Variants in STYX observed in about 807,000 individuals in gnomAD.
STYX encodes the protein serine/threonine/tyrosine interacting protein, also known as serine/threonine/tyrosine-interacting protein.
A neutral mutation model predicts 42.7 loss-of-function variants in STYX; 20 were observed. The ratio of observed to expected loss-of-function variants is 0.47; its 90% CI spans 0.33 to 0.68. The LOEUF is 0.68. Among genes scored for constraint, STYX ranks in the 30% least tolerant of loss-of-function variants. The probability of loss-of-function intolerance (pLI) is 0.02; values close to 1 mark genes in which losing one functional copy is unlikely to be tolerated. For synonymous variants in STYX, 78 were observed against 81.9 expected, an observed-to-expected ratio of 0.95 and a Z score of 0.26; for missense variants, 226 against 268.5, an observed-to-expected ratio of 0.84 and a Z score of 1.11.
In STYX at chr14:52,730,393, C is replaced by T; in HGVS notation, c.-82C>T. On this transcript the variant is annotated 5_prime_UTR_variant, in exon 1 of 11. Transcript: ENST00000354586. Reference sequence around the variant, plus strand: ...CCCTCCGCTCCGCCGGCCCTCCTTCCTTCCGCCGCCGCAGCCAGCCCGAGG... The same window carrying T: ...CCCTCCGCTCCGCCGGCCCTCCTTCTTTCCGCCGCCGCAGCCAGCCCGAGG... 4 of 1,500,918 alleles carry T rather than the reference C, an allele frequency of 2.7e-6. No homozygotes were observed. The highest frequency in any genetic ancestry group is 1.2e-5 in the South Asian group (1 of 85,088). The allele number at this position is 1,500,918 out of a possible 1,614,324, so 93.0% of individuals were successfully genotyped here. A position where few individuals can be genotyped will look rare whatever the true frequency, so the allele number is the denominator to read the frequency against.
At chr14:52,739,666 G>A (rs923369561) in intron 1 of STYX, among the ~76,000 whole-genome samples, 1 of 125,638 alleles carries the variant, frequency 8.0e-6, no homozygotes, top group African/African-American at 3.0e-5. Flanking sequence ...CGTTGAGATA[G>A]GGTCTGTCTC....
At chr14:52,743,251 A>G (rs1881265971) in intron 1 of STYX, among the ~76,000 whole-genome samples, 1 of 151,554 alleles carries the variant, frequency 6.6e-6, no homozygotes, top group South Asian at 2.1e-4. Flanking sequence ...CTCTCTTTTC[A>G]TTATAGATGT....
Position 52,768,932 on chromosome 14 carries a change from AGGT to A in STYX, c.598_598+2del, listed in dbSNP as rs770814443. On this transcript the variant is annotated splice_donor_variant and coding_sequence_variant, in exon 10 of 11. Coordinates refer to ENST00000354586, the MANE Select transcript of STYX (RefSeq NM_145251.4). LOFTEE classifies it high-confidence loss of function. Reference sequence around the variant, plus strand: ...CATTATCTGTTCATTCTGGTACCACAGGTAAGGATTTTTTTCTTTTTGGAGAAA... The same window carrying A: ...CATTATCTGTTCATTCTGGTACCACAAAGGATTTTTTTCTTTTTGGAGAAA... 6.4e-7 allele frequency: 1 copy of A among 1,563,090 alleles called. No individual in the cohort carries two copies. Among genetic ancestry groups the A allele is most frequent in the East Asian group, 2.3e-5 (1 of 43,190 alleles).
intron 1 of STYX, among the ~76,000 whole-genome samples, chr14:52,738,395 A>C (rs1049186990): frequency 2.6e-5 from 4 of 152,186 alleles, no homozygotes; most frequent in Non-Finnish European, 5.9e-5. Flanking sequence ...TATTACATAT[A>C]ACCTTATGGA....
chr14:52,741,671 A>G (rs1881200541), intron 1 of STYX, among the ~76,000 whole-genome samples: 1 of 152,144 alleles, frequency 6.6e-6, no homozygotes, highest in African/African-American at 2.4e-5. Flanking sequence ...TCTGAGCTCA[A>G]GTGATCCGCC....
intron 1 of STYX, among the ~76,000 whole-genome samples, chr14:52,743,273 A>G (rs1005054979): frequency 6.6e-6 from 1 of 151,292 alleles, no homozygotes; most frequent in African/African-American, 2.4e-5. Context: ...TACTATTTCT[A>G]CCTTCTGTGT....
At chr14:52,762,148 G>A (rs1216833203) in intron 9 of STYX, among the ~76,000 whole-genome samples, 2 of 151,832 alleles carry the variant, frequency 1.3e-5, no homozygotes, top group African/African-American at 4.8e-5. Flanking sequence ...TCAAAGTGCT[G>A]GAATTACAGG....
intron 9 of STYX, among the ~76,000 whole-genome samples, chr14:52,763,407 G>A (rs1882176850): frequency 6.6e-6 from 1 of 151,922 alleles, no homozygotes; most frequent in Non-Finnish European, 1.5e-5. Flanking sequence ...CTTTAGTGTT[G>A]TTTGCTGCTG....
chr14:52,747,903 A>G (rs1594870668), intron 3 of STYX, among the ~76,000 whole-genome samples: 1 of 152,134 alleles, frequency 6.6e-6, no homozygotes, highest in African/African-American at 2.4e-5. Flanking sequence ...GAGGCGCGAG[A>G]ATTGCTTGAA....
chr14:52,757,466 A>G, intron 6 of STYX, 111 bp downstream of exon 6: 1 of 1,000,130 alleles, frequency 1.0e-6, no homozygotes, highest in Non-Finnish European at 1.5e-6. Flanking sequence ...TATATGTAGT[A>G]GCTTACTCCC....
intron 1 of STYX, among the ~76,000 whole-genome samples, chr14:52,733,997 A>G (rs1287881659): frequency 6.6e-6 from 1 of 152,108 alleles, no homozygotes; most frequent in Non-Finnish European, 1.5e-5. Context: ...ATGTAAATGA[A>G]GAGGTGGCTT....
intron 2 of STYX, among the ~76,000 whole-genome samples, chr14:52,746,124 A>G (rs999563127): frequency 1.3e-5 from 2 of 152,180 alleles, no homozygotes; most frequent in South Asian, 2.1e-4. Flanking sequence ...ATTTGCTTCT[A>G]TTAACTATAG....
chr14:52,743,781 A>G (rs1476835191), intron 1 of STYX, among the ~76,000 whole-genome samples: 1 of 152,190 alleles, frequency 6.6e-6, no homozygotes, highest in Non-Finnish European at 1.5e-5. Flanking sequence ...CCAACTTAGA[A>G]ACTTTTGGAA....
rs578231530 is a variant in STYX at position 52,745,257 on chromosome 14, A to C, written c.90+373A>C. 2.2e-3 allele frequency among the ~76,000 whole-genome samples: 328 copies of C among 151,968 alleles called. 1 individual carries two copies. Among genetic ancestry groups the C allele is most frequent in the South Asian group, 2.5e-3 (12 of 4,806 alleles). On this transcript the variant is annotated intron_variant, in intron 2 of 10. Coordinates refer to ENST00000354586, the MANE Select transcript of STYX (RefSeq NM_145251.4). ...TGCCTCAGCCTCCCGAGTAGCTGGGATTACAGGCATGCGCCACCACACCCA... is the reference window on the plus strand; with the variant it reads ...TGCCTCAGCCTCCCGAGTAGCTGGGCTTACAGGCATGCGCCACCACACCCA...
intron 1 of STYX, among the ~76,000 whole-genome samples, chr14:52,742,790 T>G (rs2139890171): frequency 6.6e-6 from 1 of 151,678 alleles, no homozygotes; most frequent in African/African-American, 2.4e-5. Context: ...TTGCTATGAA[T>G]CTTTTGATTT....
intron 9 of STYX, among the ~76,000 whole-genome samples, chr14:52,764,277 C>T (rs918429632): frequency 6.6e-6 from 1 of 152,166 alleles, no homozygotes; most frequent in Non-Finnish European, 1.5e-5. Context: ...AGGTGTGAGC[C>T]ACTGTGCCTG....
rs115011945 is a variant in STYX, at chr14:52,754,912, A to T, written c.243-1639A>T. Reference sequence around the variant, plus strand: ...TAGCTTCTTAGAGATTGATAGTTCTACTAGCAGTGCTTGACACTGAAAATG... The same window carrying T: ...TAGCTTCTTAGAGATTGATAGTTCTTCTAGCAGTGCTTGACACTGAAAATG... On this transcript the variant is annotated intron_variant, in intron 4 of 10. Transcript: ENST00000354586. Among the ~76,000 whole-genome samples, 182 of 152,306 alleles carry T rather than the reference A, an allele frequency of 1.2e-3. 2 individuals are homozygous for T. The highest frequency in any genetic ancestry group is 4.3e-3 in the African/African-American group (179 of 41,570).
At chr14:52,743,391 C>G (rs1053734484) in intron 1 of STYX, among the ~76,000 whole-genome samples, 1 of 151,880 alleles carries the variant, frequency 6.6e-6, no homozygotes, top group Non-Finnish European at 1.5e-5. Flanking sequence ...ACCATCTTGG[C>G]TAACACGGTG....
At chr14:52,758,080 C>T (rs1881946674) in intron 8 of STYX, among the ~76,000 whole-genome samples, 156 bp downstream of exon 8, 1 of 152,074 alleles carries the variant, frequency 6.6e-6, no homozygotes, top group Admixed American at 6.6e-5. Context: ...TTAGTCTTAA[C>T]CTAATTTATC....
Sources: gnomAD v4.1 joint callset for allele counts (sites outside exome capture counted in the v4.1 genomes callset) on GRCh38, gnomAD v4.1.1 for gene constraint, MANE v1.5 for transcripts, NCBI Gene and HGNC (gene_info 2026-07-23, HGNC 2026-07-21) for gene names.